THNSL1: variants seen among roughly 807,000 people sequenced by gnomAD.
THNSL1 encodes the protein threonine synthase like 1, also known as threonine synthase-like 1.
A neutral mutation model predicts 50.4 loss-of-function variants in THNSL1; 48 were observed. The ratio of observed to expected loss-of-function variants is 0.95; its 90% CI spans 0.76 to 1.21. The LOEUF is 1.21. THNSL1 is among the 50% of genes most tolerant of loss of function. THNSL1 has a pLI of 0.00. For synonymous variants in THNSL1, 309 were observed against 306.1 expected (o/e 1.01, Z -0.10); for missense variants, 896 against 871.7 (o/e 1.03, Z -0.35).
chr10:25,011,141 C>T, the THNSL1 span, among the ~76,000 whole-genome samples: 28 of 152,118 alleles, frequency 1.8e-4, no homozygotes, highest in Admixed American at 1.8e-3. Flanking sequence ...GCCATTCTAA[C>T]TGGTGTGAGA....
At chr10:24,980,374 C>T in the THNSL1 span, among the ~76,000 whole-genome samples, 1 of 152,150 alleles carries the variant, frequency 6.6e-6, no homozygotes, top group Non-Finnish European at 1.5e-5. Flanking sequence ...CCAACTTCCA[C>T]TAATTCTTCA....
chr10:24,955,752 C>T, the THNSL1 span, among the ~76,000 whole-genome samples: 4 of 152,082 alleles, frequency 2.6e-5, no homozygotes, highest in East Asian at 7.7e-4. Flanking sequence ...CAAGACCAAA[C>T]CTGGGTAACA....
chr10:24,999,673 T>C, the THNSL1 span: 1 of 854,152 alleles, frequency 1.2e-6, no homozygotes, highest in Non-Finnish European at 1.8e-6. Flanking sequence ...AGCATAATCA[T>C]AAAACATACT....
chr10:25,011,003 C>T, the THNSL1 span, among the ~76,000 whole-genome samples: 1 of 150,382 alleles, frequency 6.6e-6, no homozygotes, highest in Non-Finnish European at 1.5e-5. Flanking sequence ...AGTTCTAGAT[C>T]CCTGAGGAAT....
Position 25,025,162 on chromosome 10 carries a change from A to G in THNSL1, c.1939A>G (p.Lys647Glu). ...YILDPHTAVAKVVADRVQDKT... is the reference protein window; with the variant it reads ...YILDPHTAVAEVVADRVQDKT... ...TTTGGATCCACACACTGCTGTTGCA[A>G]AAGTGGTTGCAGATAGGGTGCAAGA... The change falls in exon 3 of 3, where the codon AAA (lysine) becomes GAA (glutamate). Residue 647 changes from lysine to glutamate, a missense_variant. Coordinates refer to ENST00000376356, the MANE Select transcript of THNSL1 (RefSeq NM_024838.5). 1 of 1,614,068 alleles carries G rather than the reference A, an allele frequency of 6.2e-7. No individual in the cohort carries two copies. The highest frequency in any genetic ancestry group is 1.3e-5 in the African/African-American group (1 of 74,926).
rs916199720 is a variant in THNSL1, at chr10:25,025,710, G to A, written c.*255G>A. Reference sequence around the variant, plus strand: ...TACTTTTGCCTTCTGCTCATGAGGGGTGTATCAATTTCCACTCCCACACCC... The same window carrying A: ...TACTTTTGCCTTCTGCTCATGAGGGATGTATCAATTTCCACTCCCACACCC... On this transcript the variant is annotated 3_prime_UTR_variant, in exon 3 of 3. Coordinates refer to ENST00000376356, the MANE Select transcript of THNSL1 (RefSeq NM_024838.5). 2 of 401,082 alleles carry A rather than the reference G, an allele frequency of 5.0e-6. No individual in the cohort carries two copies. Among genetic ancestry groups the A allele is most frequent in the African/African-American group, 4.1e-5 (2 of 49,146 alleles). The allele number at this position is 401,082 out of a possible 1,614,324, so 24.8% of individuals were successfully genotyped here.
At chr10:24,960,361 T>A in the THNSL1 span, among the ~76,000 whole-genome samples, 1 of 152,166 alleles carries the variant, frequency 6.6e-6, no homozygotes, top group Non-Finnish European at 1.5e-5. Flanking sequence ...ACATTAAGAG[T>A]CCTATGGGTT....
the THNSL1 span, among the ~76,000 whole-genome samples, chr10:24,958,813 T>C: frequency 6.6e-6 from 1 of 152,172 alleles, no homozygotes; most frequent in Admixed American, 6.5e-5. Context: ...GCTGGGCAGT[T>C]TCAGAGATAT....
At chr10:25,015,902 T>G, upstream of THNSL1, 2 of 1,607,472 alleles carry the variant, frequency 1.2e-6, no homozygotes, top group Non-Finnish European at 1.7e-6. Context: ...GGGTATGAGG[T>G]TATAAATGCA....
At chr10:24,959,077 T>C in the THNSL1 span, among the ~76,000 whole-genome samples, 2 of 152,212 alleles carry the variant, frequency 1.3e-5, no homozygotes, top group Non-Finnish European at 2.9e-5. Flanking sequence ...AACAAACTGA[T>C]TAGCATCTGA....
chr10:24,991,881 A>G, the THNSL1 span, among the ~76,000 whole-genome samples: 1 of 152,210 alleles, frequency 6.6e-6, no homozygotes, highest in South Asian at 2.1e-4. Context: ...CGGCTTCAGG[A>G]GCTGTAAACA....
At chr10:24,966,414 A>G in the THNSL1 span, among the ~76,000 whole-genome samples, 1 of 152,234 alleles carries the variant, frequency 6.6e-6, no homozygotes, top group East Asian at 1.9e-4. Context: ...TGCTTTCTTC[A>G]GTCCTTTCTC....
chr10:24,987,992 G>A, the THNSL1 span, among the ~76,000 whole-genome samples: 1 of 151,708 alleles, frequency 6.6e-6, no homozygotes, highest in Non-Finnish European at 1.5e-5. Context: ...AAGCCAAGGC[G>A]GGTGGATCAC....
chr10:25,017,499 T>C (rs542221506), intron 1 of THNSL1, among the ~76,000 whole-genome samples: 1 of 152,222 alleles, frequency 6.6e-6, no homozygotes, highest in East Asian at 1.9e-4. Context: ...GGCGGAGTGA[T>C]TAAAACAACA....
chr10:24,989,796 C>T, the THNSL1 span, among the ~76,000 whole-genome samples: 65 of 152,250 alleles, frequency 4.3e-4, no homozygotes, highest in African/African-American at 1.5e-3. Flanking sequence ...AGTATTATTT[C>T]TGCCTCTATA....
At chr10:24,983,995 A>C in the THNSL1 span, 1 of 184,164 alleles carries the variant, frequency 5.4e-6, no homozygotes, top group East Asian at 1.3e-4. Context: ...CAAAAGGAAA[A>C]AAACATTTAA....
chr10:25,025,211 C>T lies in THNSL1; in HGVS notation c.1988C>T (p.Ser663Leu). The part of the protein sequence containing the change: ...VQDKTCPVII[S>L]STAHYSKFAP... ...GACAAAACTTGCCCTGTGATTATCT[C>T]ATCTACAGCCCATTACTCAAAGTTT... Residue 663 changes from serine to leucine, a missense_variant, in exon 3 of 3, where the codon TCA (serine) becomes TTA (leucine). By Grantham distance (145) the Ser-to-Leu change is moderately radical. Transcript: ENST00000376356. 2 of 1,614,186 alleles carry T rather than the reference C, an allele frequency of 1.2e-6. No individual in the cohort carries two copies. The highest frequency in any genetic ancestry group is 1.1e-5 in the South Asian group (1 of 91,080).
the THNSL1 span, among the ~76,000 whole-genome samples, chr10:24,967,850 T>G: frequency 1.3e-5 from 2 of 151,880 alleles, no homozygotes; most frequent in Admixed American, 6.6e-5. Flanking sequence ...CTGTATGATG[T>G]GTGCGTATGA....
the THNSL1 span, among the ~76,000 whole-genome samples, chr10:24,968,934 C>T: frequency 6.6e-5 from 10 of 152,310 alleles, no homozygotes; most frequent in East Asian, 3.9e-4. Context: ...CGCTCTGTCA[C>T]CCAGGCTGGA....
Sources: gnomAD v4.1 joint callset for allele counts (sites outside exome capture counted in the v4.1 genomes callset) on GRCh38, gnomAD v4.1.1 for gene constraint, MANE v1.5 for transcripts, NCBI Gene and HGNC (gene_info 2026-07-23, HGNC 2026-07-21) for gene names.